Variants in CTNNA3 observed in about 807,000 individuals in gnomAD.
The protein encoded by CTNNA3 is catenin alpha 3.
In CTNNA3, 76 loss-of-function variants were observed where a neutral mutation model predicts 95.7. The observed-to-expected ratio is 0.79, with a 90% CI of 0.66 to 0.96. The LOEUF is 0.96. CTNNA3 is among the 40% of genes least tolerant of loss of function. The pLI is 0.00. For missense variants in CTNNA3, 1,191 were observed against 1,089.8 expected (o/e 1.09, Z -1.31); for synonymous variants, 431 against 374.4 (o/e 1.15, Z -1.74).
intron 9 of CTNNA3, among the ~76,000 whole-genome samples, chr10:66,655,314 T>C (rs1004657614): frequency 1.4e-4 from 22 of 152,092 alleles, no homozygotes; most frequent in Non-Finnish European, 2.9e-4. Flanking sequence ...GTTTCTTTTT[T>C]GAAAAGTAAC....
At chr10:67,348,539 A>T (rs1202499015) in intron 5 of CTNNA3, among the ~76,000 whole-genome samples, 1 of 152,122 alleles carries the variant, frequency 6.6e-6, no homozygotes, top group African/African-American at 2.4e-5. Flanking sequence ...GGCCTCAAGA[A>T]GCTTCCAACA....
chr10:66,913,545 A>T (rs1163604993), intron 7 of CTNNA3, among the ~76,000 whole-genome samples: 1 of 152,144 alleles, frequency 6.6e-6, no homozygotes, highest in African/African-American at 2.4e-5. Context: ...AGCAATGACA[A>T]ATGAATACAA....
Position 67,198,169 on chromosome 10 carries a change from T to C in CTNNA3, c.844-17649A>G, listed in dbSNP as rs139474840. Among the ~76,000 whole-genome samples, 781 of 152,312 alleles carry C rather than the reference T, an allele frequency of 5.1e-3. 6 individuals carry two copies. The highest frequency in any genetic ancestry group is 0.018 in the African/African-American group (731 of 41,570). On this transcript the variant is annotated intron_variant, in intron 6 of 17. Coordinates refer to ENST00000433211, the MANE Select transcript of CTNNA3 (RefSeq NM_013266.4). The stretch of plus-strand genomic sequence containing the variant: ...GCTACTATATTGAACAGCACAGCTC[T>C]TAAAGTTGATTTTCACTGTATTTTC...
intron 6 of CTNNA3, among the ~76,000 whole-genome samples, chr10:67,198,213 G>C (rs1374991057): frequency 6.6e-6 from 1 of 152,044 alleles, no homozygotes; most frequent in African/African-American, 2.4e-5. Flanking sequence ...ATTATGTCAT[G>C]ATATGTTGTG....
chr10:67,042,925 G>T (rs144068595), intron 7 of CTNNA3, among the ~76,000 whole-genome samples: 1 of 152,126 alleles, frequency 6.6e-6, no homozygotes, highest in East Asian at 1.9e-4. Context: ...GAATATATTC[G>T]AACGCTATAA....
intron 5 of CTNNA3, among the ~76,000 whole-genome samples, chr10:67,397,539 C>A (rs1844751091): frequency 1.3e-5 from 2 of 152,104 alleles, no homozygotes; most frequent in African/African-American, 4.8e-5. Context: ...AAATTTGCAG[C>A]CTGAGGATGC....
At chr10:65,987,250 A>C (rs921864449) in intron 16 of CTNNA3, among the ~76,000 whole-genome samples, 1 of 152,112 alleles carries the variant, frequency 6.6e-6, no homozygotes, top group African/African-American at 2.4e-5. Context: ...TAACAGAGTG[A>C]CAAGACAACC....
At chr10:67,071,091 TC>T (rs1470305108) in intron 7 of CTNNA3, among the ~76,000 whole-genome samples, 2 of 152,200 alleles carry the variant, frequency 1.3e-5, no homozygotes, top group Admixed American at 6.5e-5. Context: ...GGTATTGATG[TC>T]ACATATTATT....
At chr10:66,822,563 C>T (rs1842340537) in intron 7 of CTNNA3, among the ~76,000 whole-genome samples, 1 of 152,204 alleles carries the variant, frequency 6.6e-6, no homozygotes. Context: ...ACTTATGTGT[C>T]CTAGAATTCT....
At chr10:65,951,315 C>G (rs929049147) in intron 17 of CTNNA3, among the ~76,000 whole-genome samples, 1 of 151,960 alleles carries the variant, frequency 6.6e-6, no homozygotes, top group Non-Finnish European at 1.5e-5. Flanking sequence ...TGGAAGGAAC[C>G]ACGAGGCTCA....
intron 2 of CTNNA3, among the ~76,000 whole-genome samples, chr10:67,614,275 C>T (rs1589491189): frequency 1.3e-5 from 2 of 152,326 alleles, no homozygotes; most frequent in African/African-American, 4.8e-5. Context: ...AAGTCCCCTA[C>T]TTGACCCAGG....
At chr10:66,600,794 T>A (rs925130779) in intron 10 of CTNNA3, among the ~76,000 whole-genome samples, 10 of 151,890 alleles carry the variant, frequency 6.6e-5, no homozygotes, top group Non-Finnish European at 1.5e-5. Flanking sequence ...CCTAAATATA[T>A]GACAGTCAAA....
chr10:66,629,719 C>G (rs1436535125), intron 9 of CTNNA3, among the ~76,000 whole-genome samples: 1 of 152,064 alleles, frequency 6.6e-6, no homozygotes, highest in Non-Finnish European at 1.5e-5. Flanking sequence ...TTCTTGTTCT[C>G]TCTTTGCTTC....
intron 13 of CTNNA3, among the ~76,000 whole-genome samples, chr10:66,195,613 G>C (rs1327425472): frequency 6.6e-6 from 1 of 152,160 alleles, no homozygotes; most frequent in Non-Finnish European, 1.5e-5. Context: ...TTCCACATGA[G>C]AGAGCAAACT....
At chr10:67,703,929 C>A (rs1421515981) in intron 1 of CTNNA3, among the ~76,000 whole-genome samples, 2 of 152,186 alleles carry the variant, frequency 1.3e-5, no homozygotes, top group Non-Finnish European at 2.9e-5. Flanking sequence ...TCAGCAAAGT[C>A]TCAGGATAGA....
chr10:66,083,145 T>G (rs1397510011), intron 14 of CTNNA3, among the ~76,000 whole-genome samples: 1 of 152,144 alleles, frequency 6.6e-6, no homozygotes, highest in Admixed American at 6.6e-5. Context: ...CAAAGCCAAT[T>G]TGAATGTTAT....
chr10:67,378,977 A>G (rs1483165430), intron 5 of CTNNA3, among the ~76,000 whole-genome samples: 2 of 152,144 alleles, frequency 1.3e-5, no homozygotes, highest in Non-Finnish European at 2.9e-5. Flanking sequence ...GTCATTTTCA[A>G]TTGTCGTTTG....
intron 7 of CTNNA3, among the ~76,000 whole-genome samples, chr10:66,854,969 G>A (rs1843635235): frequency 6.6e-6 from 1 of 151,714 alleles, no homozygotes; most frequent in African/African-American, 2.4e-5. Context: ...TAACTTGCAA[G>A]GTCCTTGTAA....
chr10:66,670,856 A>C (rs1846635113), intron 9 of CTNNA3, among the ~76,000 whole-genome samples: 1 of 152,188 alleles, frequency 6.6e-6, no homozygotes, highest in Non-Finnish European at 1.5e-5. Context: ...TGGCAGTTTG[A>C]TTTATATTTC....
Sources: allele counts gnomAD v4.1 joint callset (sites outside exome capture counted in the v4.1 genomes callset), GRCh38; gene constraint gnomAD v4.1.1; transcripts MANE v1.5; gene names NCBI Gene and HGNC (gene_info 2026-07-23, HGNC 2026-07-21).